The following ABL2 variants were observed in gnomAD, a reference collection of about 807,000 sequenced individuals.
ABL2 encodes tyrosine-protein kinase ABL2.
In ABL2, 49 loss-of-function variants were observed where a neutral mutation model predicts 107.7. The ratio of observed to expected loss-of-function variants is 0.45; its 90% confidence interval spans 0.36 to 0.58. ABL2 has a LOEUF of 0.58. Ranked by LOEUF, ABL2 falls within the 20% of genes least tolerant of loss-of-function variation. The probability of loss-of-function intolerance (pLI) is 0.00; values close to 1 mark genes in which losing one functional copy is unlikely to be tolerated. For synonymous variants in ABL2, 549 were observed against 548.6 expected (o/e 1.00, Z -0.01); for missense variants, 1,245 against 1,457.0 (o/e 0.85, Z 2.37).
intron 1 of ABL2, among the ~76,000 whole-genome samples, chr1:179,227,342 C>A (rs1571358088): frequency 1.3e-5 from 2 of 152,316 alleles, no homozygotes; most frequent in Admixed American, 1.3e-4. Context: ...TTTCTTCCAA[C>A]TCATAATGAT....
In ABL2 at chr1:179,106,278, A is replaced by C. The variant is rs545604867; in HGVS notation, c.*1440T>G. The C allele has an allele frequency of 1.8e-5, 4 of 228,526 alleles. No homozygotes were observed. Among genetic ancestry groups the C allele is most frequent in the Non-Finnish European group, 2.6e-5 (3 of 115,116 alleles). 14.2% of individuals were successfully genotyped at this position (228,526 alleles called of 1,614,324 possible). On this transcript the variant is annotated 3_prime_UTR_variant, in exon 12 of 12. Coordinates refer to ENST00000502732, the MANE Select transcript of ABL2 (RefSeq NM_007314.4). ...TTCCATGCCATCCTAATTAGCTTCC[A>C]CAATTATAACTAAGGAAGGAAGGAA...
intron 1 of ABL2, among the ~76,000 whole-genome samples, chr1:179,134,566 C>T (rs2636287): frequency 0.32 from 48,725 of 151,776 alleles, 8,297 homozygotes; most frequent in East Asian, 0.43. Context: ...CACCTACTTT[C>T]CTATACTTAC....
At chr1:179,109,575 A>G in intron 11 of ABL2, 134 bp from the exon 12 acceptor site, 1 of 1,343,050 alleles carries the variant, frequency 7.4e-7, no homozygotes, top group South Asian at 1.5e-5. Flanking sequence ...GAAGCAAATA[A>G]TAAATACATT....
intron 4 of ABL2, among the ~76,000 whole-genome samples, chr1:179,122,590 A>G (rs1655330627): frequency 6.6e-6 from 1 of 151,826 alleles, no homozygotes; most frequent in Non-Finnish European, 1.5e-5. Context: ...GTCTTCAAAT[A>G]TATATATATT....
intron 1 of ABL2, among the ~76,000 whole-genome samples, chr1:179,228,198 TTA>T (rs916066163): frequency 2.0e-5 from 3 of 148,780 alleles, no homozygotes; most frequent in African/African-American, 7.5e-5. Flanking sequence ...AATACAAAAA[TTA>T]GCCGGGCGTG....
intron 1 of ABL2, among the ~76,000 whole-genome samples, chr1:179,211,045 T>C (rs944464884): frequency 1.3e-5 from 2 of 152,076 alleles, no homozygotes; most frequent in Non-Finnish European, 2.9e-5. Flanking sequence ...ATGACTTTTC[T>C]CTTTAAAGAT....
At chr1:179,219,963 C>T (rs1415747540) in intron 1 of ABL2, among the ~76,000 whole-genome samples, 1 of 152,218 alleles carries the variant, frequency 6.6e-6, no homozygotes, top group Non-Finnish European at 1.5e-5. Flanking sequence ...CAGTGCCTGG[C>T]ACTTAAGAGT....
chr1:179,226,336 CAG>C (rs1663210489), intron 1 of ABL2, among the ~76,000 whole-genome samples: 1 of 125,356 alleles, frequency 8.0e-6, no homozygotes, highest in South Asian at 2.7e-4. Flanking sequence ...TTTTTTGAGA[CAG>C]AGTCTCGCTC....
At position 179,102,621 on chromosome 1, in the gene ABL2, G is replaced by A. The variant is rs1325195; in HGVS notation, c.*5097C>T. The A allele has an allele frequency of 0.61, 139,403 of 227,946 alleles. 43,080 individuals carry two copies. The highest frequency in any genetic ancestry group is 0.67 in the African/African-American group (30,369 of 45,050). 14.1% of individuals were successfully genotyped at this position (227,946 alleles called of 1,614,324 possible). On this transcript the variant is annotated 3_prime_UTR_variant, in exon 12 of 12. Coordinates refer to ENST00000502732, the MANE Select transcript of ABL2 (RefSeq NM_007314.4). ...GTGGAACAATTTAATGCAAGATGAT[G>A]AAACTCAAAAATCAAGAACAAAAAT...
Position 179,109,004 on chromosome 1 carries a change from G to A in ABL2, c.2263C>T (p.Arg755Cys), listed in dbSNP as rs377370937. ...WSGITGFFTPRLIKKTLGLRA... is the reference protein window; with the variant it reads ...WSGITGFFTPCLIKKTLGLRA... ...AAGCCCAGTGTCTTTTTGATTAAGCGTGGTGTAAAGAAGCCTGTGATGCCA... is the reference window on the plus strand; with the variant it reads ...AAGCCCAGTGTCTTTTTGATTAAGCATGGTGTAAAGAAGCCTGTGATGCCA... Residue 755 changes from arginine (R) to cysteine (C), a missense_variant, in exon 12 of 12, where the codon CGC becomes TGC. By Grantham distance (180) the Arg-to-Cys change is radical. Transcript: ENST00000502732. 7.0e-5 allele frequency: 113 copies of A among 1,613,894 alleles called. No homozygotes were observed. Among genetic ancestry groups the A allele is most frequent in the Non-Finnish European group, 8.8e-5 (104 of 1,180,030 alleles).
Position 179,110,146 on chromosome 1 carries a change from T to C in ABL2, c.1825+136A>G, listed in dbSNP as rs1478879884. On this transcript the variant is annotated intron_variant, in intron 11 of 11. Transcript: ENST00000502732. ...GTATGTTGGATGGATAGCCAAGGGC[T>C]TCATGGGTGGGTAAAAGAGACGCCA... The C allele has an allele frequency of 8.5e-6, 9 of 1,059,886 alleles. No homozygotes were observed. The Admixed American group carries it at 1.1e-4, about 13-fold the overall frequency. 65.7% of individuals were successfully genotyped at this position (1,059,886 alleles called of 1,614,324 possible).
Position 179,203,583 on chromosome 1 carries a change from A to G in ABL2, c.157+25658T>C, listed in dbSNP as rs116417778. ...AAATAAGAAAAAAAAAATAACCTCT[A>G]TTTGTATTATTGTAACAAGCTATGC... is the stretch of plus-strand genomic sequence containing the variant. On this transcript the variant is annotated intron_variant, in intron 1 of 11. Transcript: ENST00000502732. Among the ~76,000 whole-genome samples the G allele has an allele frequency of 1.5e-3, 231 of 151,938 alleles. 1 individual carries two copies. Among genetic ancestry groups the G allele is most frequent in the African/African-American group, 5.1e-3 (210 of 41,442 alleles).
intron 10 of ABL2, chr1:179,110,933 TG>T (rs1316000312): frequency 2.2e-4 from 349 of 1,568,364 alleles, no homozygotes; most frequent in Non-Finnish European, 2.7e-4. Context: ...GCATGAAAGC[TG>T]TGGTTACTCT....
In ABL2 at chr1:179,169,597, A is replaced by T. The variant is rs368130357; in HGVS notation, c.158-36223T>A. 6.6e-5 allele frequency among the ~76,000 whole-genome samples: 10 copies of T among 152,210 alleles called. No homozygotes were observed. The East Asian group carries it at 1.5e-3, about 24-fold the overall frequency. The stretch of plus-strand genomic sequence containing the variant: ...GAGACATTAAACAGGTATGAGAAAC[A>T]TAAGTGGGGAAAGTCAAATACAGGA... On this transcript the variant is annotated intron_variant, in intron 1 of 11. Coordinates refer to ENST00000502732, the MANE Select transcript of ABL2 (RefSeq NM_007314.4).
At chr1:179,181,611 T>A (rs1257010620) in intron 1 of ABL2, among the ~76,000 whole-genome samples, 2 of 152,168 alleles carry the variant, frequency 1.3e-5, no homozygotes, top group East Asian at 1.9e-4. Context: ...CTCAGCACAC[T>A]CTAATGCACC....
In ABL2 at chr1:179,142,288, T is replaced by C. The variant is rs28914505; in HGVS notation, c.158-8914A>G. ...TATCACAATTTAAAAAAGGCATTTT[T>C]TTTCTATTGCTACAGTTGCAGGCTA... On this transcript the variant is annotated intron_variant, in intron 1 of 11. Transcript: ENST00000502732. 3.5e-4 allele frequency among the ~76,000 whole-genome samples: 54 copies of C among 152,318 alleles called. No homozygotes were observed. The East Asian group carries it at 0.01, about 28-fold the overall frequency.
chr1:179,210,270 C>G (rs1301267723), intron 1 of ABL2, among the ~76,000 whole-genome samples: 1 of 151,634 alleles, frequency 6.6e-6, no homozygotes, highest in African/African-American at 2.4e-5. Flanking sequence ...CTTTGAGAGG[C>G]TGAAGTGGGC....
rs1653041565 is a variant in ABL2 at position 179,100,962 on chromosome 1, G to C, written c.*6756C>G. 4.3e-6 allele frequency: 1 copy of C among 232,846 alleles called. No homozygotes were observed. Among genetic ancestry groups the C allele is most frequent in the Non-Finnish European group, 8.5e-6 (1 of 117,754 alleles). The allele number at this position is 232,846 out of a possible 1,614,324, so 14.4% of individuals were successfully genotyped here. ...GGGGATGAAGAAGTAAGTGCACTTG[G>C]AGGGAAGGGTCCGGCGAGACCTCGC... On this transcript the variant is annotated 3_prime_UTR_variant, in exon 12 of 12. Transcript: ENST00000502732.
At chr1:179,131,818 T>C (rs1335047387) in intron 2 of ABL2, among the ~76,000 whole-genome samples, 3 of 152,220 alleles carry the variant, frequency 2.0e-5, no homozygotes, top group African/African-American at 7.2e-5. Context: ...AAATGGTTAC[T>C]AGCTTTATAA....
Sources: allele counts gnomAD v4.1 joint callset (sites outside exome capture counted in the v4.1 genomes callset), GRCh38; gene constraint gnomAD v4.1.1; transcripts MANE v1.5; gene names NCBI Gene and HGNC (gene_info 2026-07-23, HGNC 2026-07-21).